Variants in ARMH4 observed in about 807,000 individuals in gnomAD.
The protein encoded by ARMH4 is armadillo-like helical domain-containing protein 4.
Under a neutral mutation model 61.9 loss-of-function variants are expected in ARMH4, and 49 were observed. The observed-to-expected ratio is 0.79, with a 90% CI of 0.63 to 1.00. The LOEUF (loss-of-function observed/expected upper bound fraction) is 1.00. ARMH4 is among the 50% of genes least tolerant of loss of function. The probability of loss-of-function intolerance (pLI) is 0.00; values close to 1 mark genes in which losing one functional copy is unlikely to be tolerated. For synonymous variants in ARMH4, 368 were observed against 341.5 expected (o/e 1.08, Z -0.85); for missense variants, 934 against 930.0 (o/e 1.00, Z -0.06).
rs144591831 is a variant in ARMH4, at chr14:58,047,296, T to C, written c.2090-35146A>G. ...AAATGAGAGCACAAGATTTAAATTT[T>C]CTCACAGTAAACGTTTGGATCCCCC... On this transcript the variant is annotated intron_variant, in intron 5 of 7. Transcript: ENST00000267485. 5.4e-4 allele frequency among the ~76,000 whole-genome samples: 82 copies of C among 152,366 alleles called. 3 individuals carry two copies. The East Asian group carries it at 0.014, about 27-fold the overall frequency.
intron 6 of ARMH4, 146 bp downstream of exon 6, chr14:58,011,973 T>G (rs1255985064): frequency 6.7e-6 from 4 of 599,268 alleles, no homozygotes; most frequent in Non-Finnish European, 1.2e-5. Flanking sequence ...GCTTCTTTTT[T>G]GCAGGTACTG....
intron 5 of ARMH4, among the ~76,000 whole-genome samples, chr14:58,026,171 C>T (rs1324042913): frequency 6.6e-6 from 1 of 152,016 alleles, no homozygotes; most frequent in Non-Finnish European, 1.5e-5. Context: ...TCATGAACTT[C>T]AACCATAGGG....
intron 5 of ARMH4, among the ~76,000 whole-genome samples, chr14:58,056,545 G>C (rs778207441): frequency 2.0e-5 from 3 of 152,214 alleles, no homozygotes; most frequent in Admixed American, 6.5e-5. Context: ...GGTGATCAGT[G>C]AGGGCTTCAT....
At chr14:58,099,024 A>G (rs1885861328) in intron 4 of ARMH4, among the ~76,000 whole-genome samples, 1 of 152,046 alleles carries the variant, frequency 6.6e-6, no homozygotes, top group Non-Finnish European at 1.5e-5. Flanking sequence ...TCAAGGTAGA[A>G]CCCTGCTGAT....
At chr14:58,148,880 C>CAT (rs57050144) in intron 1 of ARMH4, among the ~76,000 whole-genome samples, 2 of 150,794 alleles carry the variant, frequency 1.3e-5, no homozygotes, top group Non-Finnish European at 3.0e-5. Flanking sequence ...CACACACACA[C>CAT]GCAACAGACC....
At chr14:58,006,333 AT>A (rs750098968) in intron 6 of ARMH4, among the ~76,000 whole-genome samples, 2 of 152,190 alleles carry the variant, frequency 1.3e-5, no homozygotes, top group Non-Finnish European at 2.9e-5. Context: ...TATTTTTTAA[AT>A]TTTTAATACA....
Position 58,138,656 on chromosome 14 carries a change from A to G in ARMH4, c.703T>C (p.Ser235Pro), listed in dbSNP as rs1699208840. Residue 235 changes from serine to proline, a missense_variant, in exon 2 of 8, where the codon TCT becomes CCT. Coordinates refer to ENST00000267485, the MANE Select transcript of ARMH4 (RefSeq NM_001001872.4). ...GCTGTGGACTCAGCACCAGGAAAAGAAGTTGTCCTGTGGTCTGTGTCTGCT... is the reference window on the plus strand; with the variant it reads ...GCTGTGGACTCAGCACCAGGAAAAGGAGTTGTCCTGTGGTCTGTGTCTGCT... ...FEADTDHRTT[S>P]FPGAESTAGS... 6.2e-7 allele frequency: 1 copy of G among 1,614,148 alleles called. No homozygotes were observed.
rs1489106384 is a variant in ARMH4 at position 58,054,875 on chromosome 14, A to T, written c.2089+41849T>A. ...CAAGAGAAGGACTCTGTCTCAAAAA[A>T]AAAAAAAAAATAATAATAATAATAA... is the stretch of plus-strand genomic sequence containing the variant. On this transcript the variant is annotated intron_variant, in intron 5 of 7. Transcript: ENST00000267485. Among the ~76,000 whole-genome samples, 6 of 108,688 alleles carry T rather than the reference A, an allele frequency of 5.5e-5. No homozygotes were observed. The East Asian group carries it at 1.3e-3, about 23-fold the overall frequency. The allele number at this position is 108,688 out of a possible 152,430, so 71.3% of individuals were successfully genotyped here. A position where few individuals can be genotyped will look rare whatever the true frequency, so the allele number is the denominator to read the frequency against.
At position 58,060,959 on chromosome 14, in the gene ARMH4, A is replaced by C. The variant is rs144734736; in HGVS notation, c.2089+35765T>G. On this transcript the variant is annotated intron_variant, in intron 5 of 7. Transcript: ENST00000267485. ...CAGGTCCTCTCAGCTGGAACCACTG[A>C]TGCAGCCTTGGCCTACCTCAGTTCC... 1.8e-3 allele frequency among the ~76,000 whole-genome samples: 278 copies of C among 152,254 alleles called. 2 individuals carry two copies. The highest frequency in any genetic ancestry group is 6.5e-3 in the African/African-American group (270 of 41,554).
intron 5 of ARMH4, among the ~76,000 whole-genome samples, chr14:58,088,236 A>G (rs1384942348): frequency 6.6e-6 from 1 of 152,204 alleles, no homozygotes; most frequent in African/African-American, 2.4e-5. Flanking sequence ...CCACAAGCAT[A>G]TAGATATTCT....
intron 4 of ARMH4, among the ~76,000 whole-genome samples, chr14:58,111,689 T>C (rs1033779962): frequency 6.6e-5 from 10 of 151,944 alleles, no homozygotes; most frequent in African/African-American, 1.9e-4. Flanking sequence ...CTTCTTCTTT[T>C]TTTTTTTTAT....
intron 1 of ARMH4, among the ~76,000 whole-genome samples, chr14:58,150,430 A>G (rs1887883107): frequency 6.6e-6 from 1 of 152,260 alleles, no homozygotes; most frequent in Admixed American, 6.5e-5. Context: ...AATAAAGGGC[A>G]AAGGACACCT....
At chr14:58,140,626 T>C (rs1031022201) in intron 1 of ARMH4, among the ~76,000 whole-genome samples, 23 of 149,150 alleles carry the variant, frequency 1.5e-4, no homozygotes, top group African/African-American at 5.5e-4. Context: ...GAGGGCCGGG[T>C]GCAGTGGCTC....
chr14:58,134,516 G>A (rs1887238563), intron 2 of ARMH4, among the ~76,000 whole-genome samples: 1 of 152,012 alleles, frequency 6.6e-6, no homozygotes, highest in Non-Finnish European at 1.5e-5. Context: ...ACTGTACAGA[G>A]CAACTACTAA....
intron 4 of ARMH4, among the ~76,000 whole-genome samples, chr14:58,122,671 T>C (rs1886765953): frequency 6.6e-6 from 1 of 152,120 alleles, no homozygotes; most frequent in Non-Finnish European, 1.5e-5. Flanking sequence ...AAGTGGACTT[T>C]GGAGGCTCTG....
At position 58,090,924 on chromosome 14, in the gene ARMH4, A is replaced by C. The variant is rs570850875; in HGVS notation, c.2089+5800T>G. On this transcript the variant is annotated intron_variant, in intron 5 of 7. Transcript: ENST00000267485. ...AGAAAAGAAAAGAAAAAAAAGAAAG[A>C]AGCACAGTGGGCCAGGCACAGTAGC... Among the ~76,000 whole-genome samples, 140 of 151,052 alleles carry C rather than the reference A, an allele frequency of 9.3e-4. 3 individuals carry two copies. The highest frequency in any genetic ancestry group is 2.7e-3 in the South Asian group (13 of 4,756).
rs1035678930 is a variant in ARMH4, at chr14:58,107,638, C to T, written c.1832-10657G>A. Among the ~76,000 whole-genome samples, 4 of 151,962 alleles carry T rather than the reference C, an allele frequency of 2.6e-5. No homozygotes were observed. The East Asian group carries it at 7.7e-4, about 29-fold the overall frequency. ...ATTTAGCCGGGCGTAGTGGTGCACGCCCTTAGTCCCAGCTACCTGGGAGGC... is the reference window on the plus strand; with the variant it reads ...ATTTAGCCGGGCGTAGTGGTGCACGTCCTTAGTCCCAGCTACCTGGGAGGC... On this transcript the variant is annotated intron_variant, in intron 4 of 7. Coordinates refer to ENST00000267485, the MANE Select transcript of ARMH4 (RefSeq NM_001001872.4).
Position 58,129,182 on chromosome 14 carries a change from T to C in ARMH4, c.1831+2330A>G, listed in dbSNP as rs569185958. 3.9e-5 allele frequency among the ~76,000 whole-genome samples: 6 copies of C among 152,294 alleles called. No homozygotes were observed. The East Asian group carries it at 7.7e-4, about 20-fold the overall frequency. ...CTCATACCCCCTCTCAGTCATCATG[T>C]TGTAGAGATGTGAGAAGCAGGGAAG... On this transcript the variant is annotated intron_variant, in intron 4 of 7. Transcript: ENST00000267485.
chr14:58,144,062 CCA>C (rs1217873140), intron 1 of ARMH4, among the ~76,000 whole-genome samples: 1 of 152,142 alleles, frequency 6.6e-6, no homozygotes, highest in African/African-American at 2.4e-5. Flanking sequence ...GTGTGAGCCA[CCA>C]CACCTGGCCA....
Sources: allele counts gnomAD v4.1 joint callset (sites outside exome capture counted in the v4.1 genomes callset), GRCh38; gene constraint gnomAD v4.1.1; transcripts MANE v1.5; gene names NCBI Gene and HGNC (gene_info 2026-07-23, HGNC 2026-07-21).